KNTC1: variants seen among roughly 807,000 people sequenced by gnomAD.
KNTC1 encodes kinetochore associated 1.
Under a neutral mutation model 314.4 loss-of-function variants are expected in KNTC1, and 253 were observed. The observed-to-expected ratio is 0.80, with a 90% CI of 0.73 to 0.89. The LOEUF is 0.89. Ranked by LOEUF, KNTC1 falls within the 40% of genes least tolerant of loss-of-function variation. The pLI is 0.00. For missense variants in KNTC1, 2,475 were observed against 2,572.9 expected (o/e 0.96, Z 0.82); for synonymous variants, 901 against 901.4 (o/e 1.00, Z 0.01).
rs757199881 is a variant in KNTC1 at position 122,620,504 on chromosome 12, C to T, written c.6175C>T (p.Leu2059=). 6.2e-7 allele frequency: 1 copy of T among 1,613,224 alleles called. No homozygotes were observed. Among genetic ancestry groups the T allele is most frequent in the Non-Finnish European group, 8.5e-7 (1 of 1,179,462 alleles). ...LECPVSGDLD[L]IGVARQYIQL... is the part of the protein sequence containing the mutation. ...ATGTCCAGTCTCAGGTGATCTTGACCTGATCGGAGTCGCCAGGCAGTATAT... is the reference window on the plus strand; with the variant it reads ...ATGTCCAGTCTCAGGTGATCTTGACTTGATCGGAGTCGCCAGGCAGTATAT... Residue 2059 remains leucine (L), a synonymous_variant, in exon 60 of 64, where the codon CTG becomes TTG. Coordinates refer to ENST00000333479, the MANE Select transcript of KNTC1 (RefSeq NM_014708.6).
intron 38 of KNTC1, 141 bp from the exon 39 acceptor site, chr12:122,587,570 C>A: frequency 1.8e-6 from 1 of 552,514 alleles, no homozygotes. Context: ...CTCATGTTAA[C>A]TTCTCATTAA....
intron 22 of KNTC1, 136 bp from the exon 23 acceptor site, chr12:122,570,740 A>G (rs1265900690): frequency 1.5e-6 from 1 of 645,910 alleles, no homozygotes; most frequent in African/African-American, 1.8e-5. Flanking sequence ...GCCCACACAC[A>G]AGCAAAAAAG....
intron 57 of KNTC1, among the ~76,000 whole-genome samples, chr12:122,616,058 ATCTTTTCT>A (rs1873731518): frequency 6.6e-6 from 1 of 152,136 alleles, no homozygotes; most frequent in South Asian, 2.1e-4. Context: ...TGGCTTGTTC[ATCTTTTCT>A]ACATTTCACA....
intron 39 of KNTC1, 112 bp downstream of exon 39, chr12:122,587,986 T>A: frequency 1.2e-6 from 1 of 858,450 alleles, no homozygotes; most frequent in Non-Finnish European, 1.7e-6. Context: ...AGGAAATTGG[T>A]AATTCGTCAG....
At chr12:122,552,675 T>C (rs2137786757) in intron 16 of KNTC1, among the ~76,000 whole-genome samples, 1 of 152,244 alleles carries the variant, frequency 6.6e-6, no homozygotes, top group South Asian at 2.1e-4. Flanking sequence ...GGAGTGAGAT[T>C]TGATTTTGCA....
At chr12:122,551,148 G>GTT (rs34865751) in intron 13 of KNTC1, among the ~76,000 whole-genome samples, 171 bp from the exon 14 acceptor site, 17 of 148,844 alleles carry the variant, frequency 1.1e-4, no homozygotes, top group South Asian at 4.2e-4. Context: ...TTTTCCCAGT[G>GTT]TTTTTTTTTT....
chr12:122,615,233 C>CT, intron 56 of KNTC1, 147 bp downstream of exon 56: 1 of 762,776 alleles, frequency 1.3e-6, no homozygotes, highest in Non-Finnish European at 2.1e-6. Context: ...ACTTAAAGAA[C>CT]TTGGTGTTAG....
chr12:122,615,513 A>C lies in KNTC1; in HGVS notation c.6017A>C (p.His2006Pro), dbSNP rs929054140. Residue 2006 changes from histidine to proline, a missense_variant, in exon 57 of 64, where the codon CAT becomes CCT. His to Pro is a moderately conservative substitution (Grantham distance 77). Transcript: ENST00000333479. Reference sequence around the variant, plus strand: ...GTTTTAAAAGCCATCTCCAGTATCCATTCTTTATGGCAGGTATGTAGTTTT... The same window carrying C: ...GTTTTAAAAGCCATCTCCAGTATCCCTTCTTTATGGCAGGTATGTAGTTTT... ...RKVLKAISSI[H>P]SLWQVPYFSK... 1.3e-6 allele frequency: 2 copies of C among 1,526,306 alleles called. No individual in the cohort carries two copies. Among genetic ancestry groups the C allele is most frequent in the African/African-American group, 2.8e-5 (2 of 72,082 alleles). The allele number at this position is 1,526,306 out of a possible 1,614,324, so 94.5% of individuals were successfully genotyped here.
intron 51 of KNTC1, among the ~76,000 whole-genome samples, chr12:122,608,040 T>C (rs1872724628): frequency 6.6e-6 from 1 of 152,208 alleles, no homozygotes; most frequent in South Asian, 2.1e-4. Context: ...CTATAATTCC[T>C]ATATCCACCT....
At chr12:122,585,024 T>C in intron 36 of KNTC1, 34 bp downstream of exon 36, 1 of 1,260,962 alleles carries the variant, frequency 7.9e-7, no homozygotes, top group East Asian at 2.3e-5. Context: ...CCTTAAATCC[T>C]GGGCAACGCA....
At chr12:122,597,979 C>T in intron 44 of KNTC1, 41 bp downstream of exon 44, 1 of 1,462,742 alleles carries the variant, frequency 6.8e-7, no homozygotes, top group East Asian at 2.3e-5. Context: ...CTCAGCCATC[C>T]CTCCCACCCT....
intron 18 of KNTC1, among the ~76,000 whole-genome samples, chr12:122,559,306 C>T (rs537049718): frequency 6.6e-6 from 1 of 152,092 alleles, no homozygotes; most frequent in East Asian, 1.9e-4. Flanking sequence ...TGAGATCGCG[C>T]TTCCAGCCTG....
Position 122,585,734 on chromosome 12 carries a change from A to G in KNTC1, c.3633A>G (p.Pro1211=), listed in dbSNP as rs755567322. Residue 1211 remains proline (P), a synonymous_variant, in exon 37 of 64, where the codon CCA becomes CCG. Transcript: ENST00000333479. ...GIVLESQMVL[P]VIYELISSLV... is the part of the protein sequence containing the mutation. ...TTCTTGAGTCACAGATGGTGCTTCCAGTGATTTATGAACTGATTTCATCTC... is the reference window on the plus strand; with the variant it reads ...TTCTTGAGTCACAGATGGTGCTTCCGGTGATTTATGAACTGATTTCATCTC... 5.6e-6 allele frequency: 9 copies of G among 1,613,710 alleles called. No individual in the cohort carries two copies. The highest frequency in any genetic ancestry group is 7.6e-6 in the Non-Finnish European group (9 of 1,179,658).
intron 33 of KNTC1, 68 bp from the exon 34 acceptor site, chr12:122,582,637 T>A: frequency 1.4e-6 from 2 of 1,379,476 alleles, no homozygotes; most frequent in South Asian, 3.0e-5. Context: ...AAAAAACTAA[T>A]GAAAATGATT....
chr12:122,620,415 A>G, intron 59 of KNTC1, 64 bp from the exon 60 acceptor site: 1 of 1,489,724 alleles, frequency 6.7e-7, no homozygotes, highest in South Asian at 1.2e-5. Context: ...ATGGAAAGCT[A>G]GAAAGGCCAA....
chr12:122,572,498 T>C (rs1377533619), intron 24 of KNTC1, among the ~76,000 whole-genome samples: 1 of 152,192 alleles, frequency 6.6e-6, no homozygotes, highest in East Asian at 1.9e-4. Flanking sequence ...TAAGAGCTTT[T>C]TCCTCTTGCT....
At position 122,528,930 on chromosome 12, in the gene KNTC1, C is replaced by A. The variant is rs529932811; in HGVS notation, c.-73-1061C>A. ...CGATCTCGACTTACTGCAACCTCCG[C>A]CTCCCGGGTTCAAGCAATTCTACAG... On this transcript the variant is annotated intron_variant, in intron 1 of 63. Coordinates refer to ENST00000333479, the MANE Select transcript of KNTC1 (RefSeq NM_014708.6). Among the ~76,000 whole-genome samples, 43 of 152,244 alleles carry A rather than the reference C, an allele frequency of 2.8e-4. 1 individual carries two copies. The South Asian group carries it at 6.2e-3, about 22-fold the overall frequency.
At chr12:122,560,193 T>C (rs2137835525) in intron 18 of KNTC1, among the ~76,000 whole-genome samples, 1 of 152,186 alleles carries the variant, frequency 6.6e-6, no homozygotes, top group East Asian at 1.9e-4. Context: ...AGAATTTCTT[T>C]CTTTTTTGTT....
intron 52 of KNTC1, 85 bp from the exon 53 acceptor site, chr12:122,610,737 G>A (rs979984568): frequency 2.2e-5 from 19 of 852,790 alleles, no homozygotes; most frequent in Middle Eastern, 2.2e-4. Context: ...TCTAATGACC[G>A]TTCCATGGAT....
Sources: allele counts gnomAD v4.1 joint callset (sites outside exome capture counted in the v4.1 genomes callset), GRCh38; gene constraint gnomAD v4.1.1; transcripts MANE v1.5; gene names NCBI Gene and HGNC (gene_info 2026-07-23, HGNC 2026-07-21).